LIMCH1: variants seen among roughly 807,000 people sequenced by gnomAD.
The protein encoded by LIMCH1 is LIM and calponin homology domains 1.
In LIMCH1, 113 loss-of-function variants were observed where a neutral mutation model predicts 176.5. The observed-to-expected ratio is 0.64, with a 90% CI of 0.55 to 0.75. LIMCH1 has a LOEUF of 0.75. Among genes scored for constraint, LIMCH1 ranks in the 30% least tolerant of loss-of-function variants. The probability of loss-of-function intolerance (pLI) is 0.00; values close to 1 mark genes in which losing one functional copy is unlikely to be tolerated. For missense variants in LIMCH1, 1,674 were observed against 1,814.9 expected, an observed-to-expected ratio of 0.92 and a Z score of 1.41; for synonymous variants, 619 against 645.9, an observed-to-expected ratio of 0.96 and a Z score of 0.63.
At chr4:41,388,865 A>G (rs2056847669) in intron 1 of LIMCH1, among the ~76,000 whole-genome samples, 1 of 151,892 alleles carries the variant, frequency 6.6e-6, no homozygotes, top group Non-Finnish European at 1.5e-5. Flanking sequence ...CTGGTCTCGA[A>G]CTCCAGACCT....
At chr4:41,530,794 T>TAAA (rs386399906) in intron 3 of LIMCH1, among the ~76,000 whole-genome samples, 57 of 30,040 alleles carry the variant, frequency 1.9e-3, no homozygotes, top group African/African-American at 0.017. Flanking sequence ...AAACCCCGCC[T>TAAA]AAAAAAAAAA....
chr4:41,606,312 T>TG (rs1304860311), intron 4 of LIMCH1, among the ~76,000 whole-genome samples: 1 of 152,166 alleles, frequency 6.6e-6, no homozygotes, highest in Non-Finnish European at 1.5e-5. Flanking sequence ...CTTGTTTTCT[T>TG]GGGGGAATAA....
intron 2 of LIMCH1, among the ~76,000 whole-genome samples, chr4:41,499,766 T>C (rs1232202814): frequency 6.6e-6 from 1 of 151,992 alleles, no homozygotes; most frequent in East Asian, 1.9e-4. Context: ...TGCAGTGAGC[T>C]GAGATTGTGC....
At chr4:41,520,403 A>G (rs140817751) in intron 2 of LIMCH1, among the ~76,000 whole-genome samples, 2,587 of 152,160 alleles carry the variant, frequency 0.017, 34 homozygotes, top group Non-Finnish European at 0.025. Flanking sequence ...GTATCATTCA[A>G]CTTTTTTCTC....
At chr4:41,599,397 A>T (rs778449302) in intron 2 of LIMCH1, among the ~76,000 whole-genome samples, 1 of 152,220 alleles carries the variant, frequency 6.6e-6, no homozygotes, top group Non-Finnish European at 1.5e-5. Flanking sequence ...AGGTAAACAG[A>T]TCTGAACTCT....
chr4:41,697,560 C>T lies in LIMCH1; in HGVS notation c.*375C>T, dbSNP rs913131772. On this transcript the variant is annotated 3_prime_UTR_variant, in exon 32 of 32. Coordinates refer to ENST00000503057, the MANE Select transcript of LIMCH1 (RefSeq NM_001330672.2). ...TGTTTTAGAATGTCTAGGAATTAAA[C>T]ACTTTATGTTTACAGAATTGAGCTG... is the stretch of plus-strand genomic sequence containing the variant. The T allele has an allele frequency of 4.8e-6, 1 of 207,224 alleles. No individual in the cohort carries two copies. The highest frequency in any genetic ancestry group is 9.6e-6 in the Non-Finnish European group (1 of 104,104). The allele number at this position is 207,224 out of a possible 1,614,324, so 12.8% of individuals were successfully genotyped here.
At chr4:41,564,768 G>A (rs1263210315) in intron 1 of LIMCH1, among the ~76,000 whole-genome samples, 2 of 152,114 alleles carry the variant, frequency 1.3e-5, no homozygotes, top group Admixed American at 6.5e-5. Flanking sequence ...ATCCCCACAT[G>A]TCAAGGGCAG....
At chr4:41,672,648 A>T (rs960821665) in intron 22 of LIMCH1, among the ~76,000 whole-genome samples, 3 of 152,220 alleles carry the variant, frequency 2.0e-5, no homozygotes, top group African/African-American at 7.2e-5. Context: ...TAATTAAAAT[A>T]AGACACAAGG....
chr4:41,505,905 TTCTC>T (rs1202507811), intron 2 of LIMCH1, among the ~76,000 whole-genome samples: 2 of 139,118 alleles, frequency 1.4e-5, no homozygotes, highest in Admixed American at 7.1e-5. Flanking sequence ...GTCAGTATTA[TTCTC>T]TCTCTCTGTG....
intron 1 of LIMCH1, among the ~76,000 whole-genome samples, chr4:41,489,270 T>A (rs2070292725): frequency 6.6e-6 from 1 of 152,104 alleles, no homozygotes; most frequent in Admixed American, 6.6e-5. Context: ...CCCCACCAGC[T>A]TTTGGTTTCT....
chr4:41,565,158 C>A (rs962272561), intron 1 of LIMCH1, among the ~76,000 whole-genome samples: 1 of 152,050 alleles, frequency 6.6e-6, no homozygotes, highest in African/African-American at 2.4e-5. Context: ...TGGGACACTG[C>A]TGTTTTGCCA....
intron 1 of LIMCH1, among the ~76,000 whole-genome samples, chr4:41,418,225 A>C (rs1361308327): frequency 6.6e-6 from 1 of 152,238 alleles, no homozygotes; most frequent in African/African-American, 2.4e-5. Context: ...TTCCAGCCAG[A>C]AATGCCTCTT....
chr4:41,553,294 T>G (rs1317049091), intron 1 of LIMCH1, among the ~76,000 whole-genome samples: 17 of 152,184 alleles, frequency 1.1e-4, no homozygotes, highest in Admixed American at 1.1e-3. Flanking sequence ...CAGTTTAGCA[T>G]GGTAGGTGAT....
intron 18 of LIMCH1, among the ~76,000 whole-genome samples, chr4:41,656,597 C>G (rs1347542694): frequency 1.3e-5 from 2 of 151,954 alleles, no homozygotes; most frequent in Non-Finnish European, 2.9e-5. Flanking sequence ...ATATAGATTC[C>G]CTGTCTTCCA....
intron 19 of LIMCH1, chr4:41,662,056 T>C: frequency 5.3e-6 from 1 of 187,102 alleles, no homozygotes; most frequent in Non-Finnish European, 1.1e-5. Flanking sequence ...TTTCTTCTTT[T>C]GATAAACAGT....
chr4:41,442,083 C>T lies in LIMCH1; in HGVS notation c.97-52453C>T, dbSNP rs923659467. On this transcript the variant is annotated intron_variant, in intron 1 of 26. Coordinates refer to the LIMCH1 transcript ENST00000313860. ...CTGTAATCCCAGCAATTTGGGAGGC[C>T]GAGGTGGGCAGATCAAGACCAGTCT... Among the ~76,000 whole-genome samples, 4 of 151,888 alleles carry T rather than the reference C, an allele frequency of 2.6e-5. No homozygotes were observed. The East Asian group carries it at 5.8e-4, about 22-fold the overall frequency.
At chr4:41,553,296 G>C (rs2080787259) in intron 1 of LIMCH1, among the ~76,000 whole-genome samples, 1 of 152,200 alleles carries the variant, frequency 6.6e-6, no homozygotes. Flanking sequence ...GTTTAGCATG[G>C]TAGGTGATAA....
At chr4:41,604,062 G>A (rs919102013) in intron 3 of LIMCH1, 157 bp downstream of exon 3, 1 of 479,500 alleles carries the variant, frequency 2.1e-6, no homozygotes, top group Non-Finnish European at 2.7e-6. Flanking sequence ...AATAAAAATA[G>A]TAAATTGTGT....
intron 1 of LIMCH1, among the ~76,000 whole-genome samples, chr4:41,481,706 T>G (rs2068665936): frequency 6.6e-6 from 1 of 152,082 alleles, no homozygotes; most frequent in Non-Finnish European, 1.5e-5. Flanking sequence ...GTTATTCTTC[T>G]TGGTGGTTTG....
Sources: gnomAD v4.1 joint callset for allele counts (sites outside exome capture counted in the v4.1 genomes callset) on GRCh38, gnomAD v4.1.1 for gene constraint, MANE v1.5 for transcripts, NCBI Gene and HGNC (gene_info 2026-07-23, HGNC 2026-07-21) for gene names.